The following ZNF408 variants were observed in gnomAD, a reference collection of about 807,000 sequenced individuals.
ZNF408 encodes the protein zinc finger protein 408, also known as PR domain zinc finger protein 17.
In ZNF408, 24 loss-of-function variants were observed where a neutral mutation model predicts 27.6. The observed-to-expected ratio is 0.87, with a 90% CI of 0.63 to 1.22. ZNF408 has a LOEUF of 1.22. Ranked by LOEUF, ZNF408 falls within the 50% of genes most tolerant of loss-of-function variation. The probability of loss-of-function intolerance (pLI) is 0.00; values close to 1 mark genes in which losing one functional copy is unlikely to be tolerated. For synonymous variants in ZNF408, 410 were observed against 396.1 expected (o/e 1.04, Z -0.42); for missense variants, 897 against 949.0 (o/e 0.95, Z 0.72).
Position 46,704,293 on chromosome 11 carries a change from C to T in ZNF408, c.653-60C>T, listed in dbSNP as rs932562686. On this transcript the variant is annotated intron_variant, in intron 4 of 4. Transcript: ENST00000311764. ...GAGAAAACATCTGATCCTGTAATTC[C>T]CTGGTAACACCATCTGCATTGAAGC... 4.6e-6 allele frequency: 7 copies of T among 1,507,254 alleles called. No homozygotes were observed. In the Admixed American group the frequency reaches 6.6e-5, roughly 14 times the overall value. 93.4% of individuals were successfully genotyped at this position (1,507,254 alleles called of 1,614,324 possible).
intron 2 of ZNF408, among the ~76,000 whole-genome samples, chr11:46,702,403 A>G (rs2134506662): frequency 6.6e-6 from 1 of 152,296 alleles, no homozygotes; most frequent in Admixed American, 6.5e-5. Flanking sequence ...CCCAATAAAT[A>G]CCATTTTAAA....
Position 46,704,581 on chromosome 11 carries a change from C to T in ZNF408, c.881C>T (p.Ser294Phe). ...GATGGCAGTGGAGCCAGTTTCTCAT[C>T]TTCTGCCAGGGGCACCCAGCCGCAT... ...DPDGSGASFS[S>F]SARGTQPHGY... Residue 294 changes from serine (S) to phenylalanine (F), a missense_variant, in exon 5 of 5, where the codon TCT (serine) becomes TTT (phenylalanine). Physicochemically the swap from Ser to Phe is radical, Grantham distance 155 (BLOSUM62 -2). Coordinates refer to ENST00000311764, the MANE Select transcript of ZNF408 (RefSeq NM_024741.3). 1 of 1,613,684 alleles carries T rather than the reference C, an allele frequency of 6.2e-7. No homozygotes were observed. Among genetic ancestry groups the T allele is most frequent in the South Asian group, 1.1e-5 (1 of 91,070 alleles).
chr11:46,704,820 G>C lies in ZNF408; in HGVS notation c.1120G>C (p.Val374Leu). The change falls in exon 5 of 5, where the codon GTG (valine) becomes CTG (leucine). Residue 374 changes from valine (V) to leucine (L), a missense_variant. By Grantham distance (32) the Val-to-Leu change is conservative. Coordinates refer to ENST00000311764, the MANE Select transcript of ZNF408 (RefSeq NM_024741.3). ...QLCHLKKHAFVHTGHKPFLCT... is the reference protein window; with the variant it reads ...QLCHLKKHAFLHTGHKPFLCT... ...GTGCCACCTAAAGAAGCACGCATTT[G>C]TGCACACGGGCCACAAGCCCTTTCT... 2 of 1,600,902 alleles carry C rather than the reference G, an allele frequency of 1.2e-6. No homozygotes were observed. The highest frequency in any genetic ancestry group is 2.2e-5 in the South Asian group (2 of 89,474).
At chr11:46,703,923 G>T (rs1052238028) in intron 4 of ZNF408, among the ~76,000 whole-genome samples, 22 of 151,636 alleles carry the variant, frequency 1.5e-4, no homozygotes, top group Admixed American at 1.1e-3. Flanking sequence ...GTAGAGATGG[G>T]GTTTCACCAT....
At position 46,705,809 on chromosome 11, in the gene ZNF408, G is replaced by A; in HGVS notation, c.2109G>A (p.Lys703=). The change falls in exon 5 of 5, where the codon AAG becomes AAA. Residue 703 remains lysine, a synonymous_variant. Transcript: ENST00000311764. This position sits in a 1 kb window ranked among gnomAD's most constrained non-coding sequence, Gnocchi z 6.5. ...DAAPSLVLIH[K]DMGLGAWAEV... ...CCCCCAGCCTGGTGCTAATCCATAA[G>A]GACATGGGCCTCGGCGCCTGGGCAG... is the stretch of plus-strand genomic sequence containing the variant. 4 of 1,612,592 alleles carry A rather than the reference G, an allele frequency of 2.5e-6. No individual in the cohort carries two copies. Among genetic ancestry groups the A allele is most frequent in the Non-Finnish European group, 3.4e-6 (4 of 1,179,552 alleles).
chr11:46,705,390 C>G lies in ZNF408; in HGVS notation c.1690C>G (p.His564Asp). ...GTGTGGCAAGGCCCTCCGAGACCCA[C>G]ACACGCTCCGAGCTCACGAGCGCCT... is the stretch of plus-strand genomic sequence containing the variant. ...PVCGKALRDP[H>D]TLRAHERLHS... The change falls in exon 5 of 5, where the codon CAC becomes GAC. Residue 564 changes from histidine (H) to aspartate (D), a missense_variant. Transcript: ENST00000311764. The surrounding 1 kb of genome is among the most constrained non-coding windows in gnomAD (Gnocchi z 6.5). 6.2e-7 allele frequency: 1 copy of G among 1,608,516 alleles called. No individual in the cohort carries two copies. Among genetic ancestry groups the G allele is most frequent in the South Asian group, 1.1e-5 (1 of 91,042 alleles).
chr11:46,701,818 C>T (rs1314683388), intron 2 of ZNF408, 142 bp downstream of exon 2: 16 of 1,076,446 alleles, frequency 1.5e-5, no homozygotes, highest in Middle Eastern at 2.9e-4. Context: ...AGGACTGTCT[C>T]CTCTCAGCAG....
chr11:46,702,558 G>A (rs1353650901), intron 2 of ZNF408, 146 bp from the exon 3 acceptor site: 8 of 752,814 alleles, frequency 1.1e-5, no homozygotes, highest in African/African-American at 1.8e-5. Context: ...AGACAGCACT[G>A]TCCTGTTAGA....
rs761808992 is a variant in ZNF408, at chr11:46,704,731, G to A, written c.1031G>A (p.Gly344Glu). 8.1e-6 allele frequency: 13 copies of A among 1,600,486 alleles called. No individual in the cohort carries two copies. Among genetic ancestry groups the A allele is most frequent in the African/African-American group, 1.3e-5 (1 of 74,390 alleles). ...TLSRSPPGPA[G>E]SSPKQGRRYR... Reference sequence around the variant, plus strand: ...TCGCGGAGCCCTCCTGGCCCAGCAGGAAGCTCCCCAAAGCAGGGGCGACGG... The same window carrying A: ...TCGCGGAGCCCTCCTGGCCCAGCAGAAAGCTCCCCAAAGCAGGGGCGACGG... Residue 344 changes from glycine (G) to glutamate (E), a missense_variant, in exon 5 of 5, where the codon GGA (glycine) becomes GAA (glutamate). Physicochemically the swap from Gly to Glu is moderately conservative, Grantham distance 98. Transcript: ENST00000311764.
In ZNF408 at chr11:46,705,880, T is replaced by C; in HGVS notation, c.*17T>C. ...GGCACCTGACAGCTTTGCCTTTTGC[T>C]GACACAGCTCCATAAAGACTCGTGC... On this transcript the variant is annotated 3_prime_UTR_variant, in exon 5 of 5. Transcript: ENST00000311764. This position sits in a 1 kb window ranked among gnomAD's most constrained non-coding sequence, Gnocchi z 6.5. 6.2e-7 allele frequency: 1 copy of C among 1,604,728 alleles called. No homozygotes were observed. Among genetic ancestry groups the C allele is most frequent in the Non-Finnish European group, 8.5e-7 (1 of 1,175,760 alleles).
intron 4 of ZNF408, among the ~76,000 whole-genome samples, chr11:46,704,121 A>G (rs553861098): frequency 2.5e-4 from 38 of 152,222 alleles, no homozygotes; most frequent in Admixed American, 8.5e-4. Flanking sequence ...TCTAGTGATT[A>G]TCCAGATGGC....
rs1451150914 is a variant in ZNF408 at position 46,704,629 on chromosome 11, A to G, written c.929A>G (p.His310Arg). 6.2e-7 allele frequency: 1 copy of G among 1,613,802 alleles called. No individual in the cohort carries two copies. Among genetic ancestry groups the G allele is most frequent in the Admixed American group, 1.7e-5 (1 of 59,990 alleles). Residue 310 changes from histidine to arginine, a missense_variant, in exon 5 of 5, where the codon CAC becomes CGC. Coordinates refer to ENST00000311764, the MANE Select transcript of ZNF408 (RefSeq NM_024741.3). Reference sequence around the variant, plus strand: ...CATGGCTACCTGGCCAAGAAGTTACACAGCCCCAGTGATCAGTGCCCACCC... The same window carrying G: ...CATGGCTACCTGGCCAAGAAGTTACGCAGCCCCAGTGATCAGTGCCCACCC... ...QPHGYLAKKL[H>R]SPSDQCPPRA...
At chr11:46,704,331 G>C (rs758115269) in intron 4 of ZNF408, 22 bp from the exon 5 acceptor site, 1 of 1,565,104 alleles carries the variant, frequency 6.4e-7, no homozygotes, top group Admixed American at 1.8e-5. Flanking sequence ...CCTAAACCCA[G>C]TACCCCATCC....
Position 46,701,034 on chromosome 11 carries a change from C to T in ZNF408, c.-14C>T, listed in dbSNP as rs1161178599. ...GAAGCTCACTTCCGGCGTAGGGAGG[C>T]TTTCTGACCCGGAATGGAGGAGGCG... On this transcript the variant is annotated 5_prime_UTR_variant, in exon 1 of 5. Coordinates refer to ENST00000311764, the MANE Select transcript of ZNF408 (RefSeq NM_024741.3). 3 of 1,613,882 alleles carry T rather than the reference C, an allele frequency of 1.9e-6. No homozygotes were observed. The highest frequency in any genetic ancestry group is 1.1e-5 in the South Asian group (1 of 91,076).
At position 46,704,759 on chromosome 11, in the gene ZNF408, C is replaced by G. The variant is rs777903493; in HGVS notation, c.1059C>G (p.Tyr353Ter). Residue 353 changes from tyrosine to a stop codon, truncating the protein, a stop_gained, in exon 5 of 5, where the codon TAC (tyrosine) becomes TAG (stop). Transcript: ENST00000311764. LOFTEE classifies it low-confidence loss of function (END_TRUNC). ...AGSSPKQGRRYRCGECGKAFL... is the reference protein window; with the variant it reads ...AGSSPKQGRR ...GCTCCCCAAAGCAGGGGCGACGGTA[C>G]CGGTGTGGAGAGTGTGGCAAGGCAT... 1 of 1,595,760 alleles carries G rather than the reference C, an allele frequency of 6.3e-7. No homozygotes were observed. The highest frequency in any genetic ancestry group is 1.1e-5 in the South Asian group (1 of 88,588).
At position 46,703,222 on chromosome 11, in the gene ZNF408, G is replaced by C; in HGVS notation, c.631G>C (p.Asp211His). ...VQQEVASPGE[D>H]AAEPCIDPGS... Reference sequence around the variant, plus strand: ...GCAGGAAGTGGCCTCCCCTGGGGAGGATGCAGCAGAACCTTGCATAGGTAT... The same window carrying C: ...GCAGGAAGTGGCCTCCCCTGGGGAGCATGCAGCAGAACCTTGCATAGGTAT... The change falls in exon 4 of 5, where the codon GAT becomes CAT. Residue 211 changes from aspartate (D) to histidine (H), a missense_variant. Asp to His is a moderately conservative substitution (Grantham distance 81). Transcript: ENST00000311764. 1 of 1,613,506 alleles carries C rather than the reference G, an allele frequency of 6.2e-7. No homozygotes were observed. The highest frequency in any genetic ancestry group is 1.3e-5 in the African/African-American group (1 of 75,064).
At position 46,705,024 on chromosome 11, in the gene ZNF408, T is replaced by C. The variant is rs769357381; in HGVS notation, c.1324T>C (p.Cys442Arg). ...TGCCCGGCCCTTTGCTTGTGACCAG[T>C]GTGGCAAGGCCTTTGCCCGCCGGCC... ...SGARPFACDQ[C>R]GKAFARRPSL... Residue 442 changes from cysteine to arginine, a missense_variant, in exon 5 of 5, where the codon TGT (cysteine) becomes CGT (arginine). Coordinates refer to ENST00000311764, the MANE Select transcript of ZNF408 (RefSeq NM_024741.3). The surrounding 1 kb of genome is among the most constrained non-coding windows in gnomAD (Gnocchi z 6.5). The C allele has an allele frequency of 2.5e-6, 4 of 1,613,152 alleles. 1 individual carries two copies. The highest frequency in any genetic ancestry group is 1.3e-5 in the African/African-American group (1 of 74,922).
In ZNF408 at chr11:46,702,927, G is replaced by A. The variant is rs544644936; in HGVS notation, c.393-57G>A. 19 of 1,603,322 alleles carry A rather than the reference G, an allele frequency of 1.2e-5. No individual in the cohort carries two copies. In the East Asian group the frequency reaches 2.2e-4, roughly 19 times the overall value. ...AGACTGCTTGGGGACTGGGGCTTTCGGGGAAGACCACTTGAATAGTGAGCA... is the reference window on the plus strand; with the variant it reads ...AGACTGCTTGGGGACTGGGGCTTTCAGGGAAGACCACTTGAATAGTGAGCA... On this transcript the variant is annotated intron_variant, in intron 3 of 4. Transcript: ENST00000311764.
Position 46,705,496 on chromosome 11 carries a change from A to T in ZNF408, c.1796A>T (p.Lys599Ile), listed in dbSNP as rs1462153504. 1 of 1,605,826 alleles carries T rather than the reference A, an allele frequency of 6.2e-7. No individual in the cohort carries two copies. Residue 599 changes from lysine (K) to isoleucine (I), a missense_variant, in exon 5 of 5, where the codon AAA (lysine) becomes ATA (isoleucine). Physicochemically the swap from Lys to Ile is moderately radical, Grantham distance 102 (BLOSUM62 -3). Transcript: ENST00000311764. The surrounding 1 kb of genome is among the most constrained non-coding windows in gnomAD (Gnocchi z 6.5). ...GCCACCAAGCTGCGGCGCCACCTCA[A>T]ATCTCACTTGGAGGACAAGCCCTAC... The part of the protein sequence containing the change: ...TLATKLRRHL[K>I]SHLEDKPYRC...
Sources: gnomAD v4.1 joint callset for allele counts (sites outside exome capture counted in the v4.1 genomes callset) on GRCh38, gnomAD v4.1.1 for gene constraint, Gnocchi (gnomAD v3.1) non-coding constraint, MANE v1.5 for transcripts, NCBI Gene and HGNC (gene_info 2026-07-23, HGNC 2026-07-21) for gene names.